SYT13: variants seen among roughly 807,000 people sequenced by gnomAD.
The protein encoded by SYT13 is synaptotagmin 13, also known as synaptotagmin-13.
Under a neutral mutation model 38.6 loss-of-function variants are expected in SYT13, and 21 were observed. The observed-to-expected ratio is 0.54, with a 90% CI of 0.39 to 0.78. SYT13 has a LOEUF of 0.78. SYT13 is among the 30% of genes least tolerant of loss of function. The probability of loss-of-function intolerance (pLI) is 0.00; values close to 1 mark genes in which losing one functional copy is unlikely to be tolerated. For synonymous variants in SYT13, 241 were observed against 237.6 expected (o/e 1.01, Z -0.13); for missense variants, 495 against 548.7 (o/e 0.90, Z 0.98).
At position 45,241,790 on chromosome 11, in the gene SYT13, C is replaced by A; in HGVS notation, c.*2262G>T. ...ATGTTTTGTTTTCTTTTACCCACAC[C>A]AACCAAAGAGAAGAAACCAGTATGG... On this transcript the variant is annotated 3_prime_UTR_variant, in exon 6 of 6. Coordinates refer to ENST00000020926, the MANE Select transcript of SYT13 (RefSeq NM_020826.3). 1 of 152,142 alleles carries A rather than the reference C, an allele frequency of 6.6e-6. No individual in the cohort carries two copies. The highest frequency in any genetic ancestry group is 1.5e-5 in the Non-Finnish European group (1 of 68,032). The allele number at this position is 152,142 out of a possible 1,614,324, so 9.4% of individuals were successfully genotyped here.
chr11:45,247,018 A>G (rs1216996359), intron 4 of SYT13, among the ~76,000 whole-genome samples: 3 of 152,208 alleles, frequency 2.0e-5, no homozygotes, highest in African/African-American at 2.4e-5. Flanking sequence ...CTTCATCAAC[A>G]GAATGACAAG....
At chr11:45,275,142 C>A (rs889459329) in intron 1 of SYT13, among the ~76,000 whole-genome samples, 5 of 152,158 alleles carry the variant, frequency 3.3e-5, no homozygotes, top group African/African-American at 9.7e-5. Context: ...CCTACCTCCT[C>A]ATTTGTCTAC....
intron 1 of SYT13, among the ~76,000 whole-genome samples, chr11:45,259,962 G>A (rs1456867925): frequency 1.3e-5 from 2 of 152,256 alleles, no homozygotes; most frequent in East Asian, 1.9e-4. Context: ...TTCAAGTTAC[G>A]TGAGTAGTAC....
At position 45,252,718 on chromosome 11, in the gene SYT13, C is replaced by A; in HGVS notation, c.549G>T (p.Val183=). Residue 183 remains valine, a synonymous_variant, in exon 4 of 6, where the codon GTG becomes GTT. Coordinates refer to ENST00000020926, the MANE Select transcript of SYT13 (RefSeq NM_020826.3). This position sits in a 1 kb window ranked among gnomAD's most constrained non-coding sequence, Gnocchi z 4.3. ...AELFVTRLEA[V]TSNHDGGCDC... ...CACAGCCTCCGTCGTGGTTGCTGGTCACAGCTGCAGGCAAGGAGAACAACA... is the reference window on the plus strand; with the variant it reads ...CACAGCCTCCGTCGTGGTTGCTGGTAACAGCTGCAGGCAAGGAGAACAACA... 1 of 1,571,520 alleles carries A rather than the reference C, an allele frequency of 6.4e-7. No homozygotes were observed. Among genetic ancestry groups the A allele is most frequent in the South Asian group, 1.2e-5 (1 of 85,906 alleles).
intron 1 of SYT13, among the ~76,000 whole-genome samples, chr11:45,272,343 CAAGAAAGA>C (rs201858591): frequency 3.3e-5 from 5 of 152,032 alleles, no homozygotes; most frequent in South Asian, 2.1e-4. Context: ...TAAAGTATAA[CAAGAAAGA>C]AAGAAAGAAA....
chr11:45,254,338 G>T lies in SYT13; in HGVS notation c.476C>A (p.Ala159Asp). 1.9e-6 allele frequency: 3 copies of T among 1,613,768 alleles called. No individual in the cohort carries two copies. The highest frequency in any genetic ancestry group is 2.5e-6 in the Non-Finnish European group (3 of 1,179,888). The change falls in exon 3 of 6, where the codon GCC (alanine) becomes GAC (aspartate). Residue 159 changes from alanine (A) to aspartate (D), a missense_variant. Coordinates refer to ENST00000020926, the MANE Select transcript of SYT13 (RefSeq NM_020826.3). ...NPEKAASWNQAPKLHYCLDYD... is the reference protein window; with the variant it reads ...NPEKAASWNQDPKLHYCLDYD... ...GTCCAGGCAGTAGTGGAGTTTGGGG[G>T]CCTGGTTCCAACTGGCAGCCTTCTC...
chr11:45,281,945 T>C (rs1013555079), intron 1 of SYT13, among the ~76,000 whole-genome samples: 36 of 152,290 alleles, frequency 2.4e-4, no homozygotes, highest in Non-Finnish European at 4.9e-4. Context: ...AAAAGAGCAG[T>C]TCTCCTTTCT....
Position 45,254,291 on chromosome 11 carries a change from A to G in SYT13, c.523T>C (p.Leu175=), listed in dbSNP as rs763678980. The G allele has an allele frequency of 2.0e-5, 33 of 1,612,710 alleles. No homozygotes were observed. The highest frequency in any genetic ancestry group is 3.3e-5 in the Admixed American group (2 of 59,764). Residue 175 remains leucine (L), a synonymous_variant, in exon 3 of 6, where the codon TTG becomes CTG. Coordinates refer to ENST00000020926, the MANE Select transcript of SYT13 (RefSeq NM_020826.3). ...CLDYDCQKAE[L]FVTRLEAVTS... The stretch of plus-strand genomic sequence containing the variant: ...ATACCTTCCAGGCGAGTCACAAACA[A>G]TTCTGCCTTCTGACAGTCATAGTCC...
intron 1 of SYT13, among the ~76,000 whole-genome samples, chr11:45,283,018 C>T (rs989429236): frequency 7.2e-5 from 11 of 152,216 alleles, no homozygotes; most frequent in East Asian, 5.8e-4. Flanking sequence ...CGTGGTGGCA[C>T]GTGCCTGTAT....
chr11:45,276,553 C>A (rs1855012241), intron 1 of SYT13, among the ~76,000 whole-genome samples: 1 of 151,886 alleles, frequency 6.6e-6, no homozygotes, highest in South Asian at 2.1e-4. Context: ...GCACGTTCTG[C>A]ACATGTATCC....
intron 3 of SYT13, 103 bp downstream of exon 3, chr11:45,254,167 A>T: frequency 1.5e-6 from 2 of 1,347,522 alleles, no homozygotes; most frequent in East Asian, 2.5e-5. Flanking sequence ...TAGAGTCCTA[A>T]TCCAGTGCTC....
At chr11:45,283,948 T>G (rs1478469028) in intron 1 of SYT13, among the ~76,000 whole-genome samples, 3 of 152,238 alleles carry the variant, frequency 2.0e-5, no homozygotes. Flanking sequence ...TAAAAGGATT[T>G]GTTAGAAACA....
At chr11:45,272,897 C>A (rs530800602) in intron 1 of SYT13, among the ~76,000 whole-genome samples, 1 of 152,184 alleles carries the variant, frequency 6.6e-6, no homozygotes, top group African/African-American at 2.4e-5. Context: ...ACAATAGAAC[C>A]TTGTGCAAAT....
At position 45,252,657 on chromosome 11, in the gene SYT13, C is replaced by T. The variant is rs1235313234; in HGVS notation, c.610G>A (p.Gly204Ser). 6.8e-6 allele frequency: 11 copies of T among 1,612,192 alleles called. 1 individual carries two copies. Among genetic ancestry groups the T allele is most frequent in the South Asian group, 5.5e-5 (5 of 91,000 alleles). Residue 204 changes from glycine to serine, a missense_variant, in exon 4 of 6, where the codon GGC (glycine) becomes AGC (serine). Physicochemically the swap from Gly to Ser is moderately conservative, Grantham distance 56 (BLOSUM62 0). Transcript: ENST00000020926. The surrounding 1 kb of genome is among the most constrained non-coding windows in gnomAD (Gnocchi z 4.3). ...AGGGCTGTCTGAGCCTCCACAGAGC[C>T]GGTCCTATTGGCCACACTCCCTTGG... The part of the protein sequence containing the change: ...YVQGSVANRT[G>S]SVEAQTALKK...
At chr11:45,280,746 C>A (rs1855061651) in intron 1 of SYT13, among the ~76,000 whole-genome samples, 1 of 152,202 alleles carries the variant, frequency 6.6e-6, no homozygotes, top group Non-Finnish European at 1.5e-5. Flanking sequence ...TTTGTGTCTT[C>A]CCTCTCTTAT....
At chr11:45,262,604 T>C (rs1854831239) in intron 1 of SYT13, among the ~76,000 whole-genome samples, 1 of 151,858 alleles carries the variant, frequency 6.6e-6, no homozygotes, top group East Asian at 1.9e-4. Context: ...TGCACGCCTG[T>C]AGTCCCAGCT....
Position 45,260,304 on chromosome 11 carries a change from A to G in SYT13, c.184-4413T>C, listed in dbSNP as rs535121499. On this transcript the variant is annotated intron_variant, in intron 1 of 5. Coordinates refer to ENST00000020926, the MANE Select transcript of SYT13 (RefSeq NM_020826.3). ...GAGCAAAAGCAGCAGCTGATTACCT[A>G]TCTCCTTCTCTTGTGCAATCTTATT... is the stretch of plus-strand genomic sequence containing the variant. Among the ~76,000 whole-genome samples the G allele has an allele frequency of 7.2e-5, 11 of 152,196 alleles. No individual in the cohort carries two copies. The East Asian group carries it at 7.7e-4, about 11-fold the overall frequency.
intron 4 of SYT13, 147 bp from the exon 5 acceptor site, chr11:45,246,659 C>A: frequency 8.3e-7 from 1 of 1,205,304 alleles, no homozygotes; most frequent in Non-Finnish European, 1.1e-6. Flanking sequence ...GGGTGTCCAC[C>A]CTTGCAGAAG....
At chr11:45,244,412 T>C (rs931817334) in intron 5 of SYT13, 56 bp from the exon 6 acceptor site, 2 of 1,564,110 alleles carry the variant, frequency 1.3e-6, no homozygotes, top group Non-Finnish European at 1.7e-6. Flanking sequence ...AGTGAGTTTC[T>C]GGGATCTGGC....
Sources: allele counts gnomAD v4.1 joint callset (sites outside exome capture counted in the v4.1 genomes callset), GRCh38; gene constraint gnomAD v4.1.1; non-coding constraint Gnocchi (gnomAD v3.1); transcripts MANE v1.5; gene names NCBI Gene and HGNC (gene_info 2026-07-23, HGNC 2026-07-21).